ANKRD60: variants seen among roughly 807,000 people sequenced by gnomAD.
The protein encoded by ANKRD60 is ankyrin repeat domain-containing protein 60.
In ANKRD60, 24 loss-of-function variants were observed where a neutral mutation model predicts 21.3. That is an observed-to-expected ratio of 1.13 (90% CI 0.82 to 1.59). The LOEUF (loss-of-function observed/expected upper bound fraction) is 1.59. ANKRD60 is among the 40% of genes most tolerant of loss of function. ANKRD60 has a pLI of 0.00. For missense variants in ANKRD60, 490 were observed against 466.7 expected, an observed-to-expected ratio of 1.05 and a Z score of -0.46; for synonymous variants, 182 against 199.4, an observed-to-expected ratio of 0.91 and a Z score of 0.74.
intron 3 of ANKRD60, among the ~76,000 whole-genome samples, chr20:58,219,087 C>A (rs990293884): frequency 6.6e-6 from 1 of 152,138 alleles, no homozygotes; most frequent in Non-Finnish European, 1.5e-5. Context: ...ACTCTTCCAG[C>A]ATTCCCTCCT....
downstream of ANKRD60, among the ~76,000 whole-genome samples, chr20:58,217,240 CCAA>C (rs1027146054): frequency 7.9e-5 from 12 of 152,024 alleles, no homozygotes; most frequent in African/African-American, 2.7e-4. Flanking sequence ...ACCAACCTGG[CCAA>C]CGTGGTGAAA....
chr20:58,221,492 G>A lies in ANKRD60; in HGVS notation c.573C>T (p.Leu191=), dbSNP rs367807084. ...GGTAGAAGGAATCTTCAGTAAGCCC[G>A]AGACAAGATAGCTGGGCAAGACAAG... The change falls in exon 3 of 4, where the codon CTC becomes CTT. Residue 191 remains leucine, a synonymous_variant. Transcript: ENST00000457363. 51 of 1,551,534 alleles carry A rather than the reference G, an allele frequency of 3.3e-5. 1 individual carries two copies. Among genetic ancestry groups the A allele is most frequent in the Middle Eastern group, 3.3e-4 (2 of 6,014 alleles).
downstream of ANKRD60, among the ~76,000 whole-genome samples, chr20:58,216,708 A>G (rs1984143996): frequency 1.3e-5 from 2 of 152,226 alleles, no homozygotes; most frequent in Admixed American, 6.5e-5. Context: ...CTTACTTGCT[A>G]TGACAGCAGG....
intron 3 of ANKRD60, 43 bp from the exon 4 acceptor site, chr20:58,218,848 G>A (rs999501876): frequency 2.0e-6 from 3 of 1,486,446 alleles, no homozygotes; most frequent in Non-Finnish European, 2.7e-6. Flanking sequence ...CATGCGGAGG[G>A]GGAACACAGG....
intron 3 of ANKRD60, among the ~76,000 whole-genome samples, chr20:58,220,843 G>C (rs910302322): frequency 6.6e-6 from 1 of 152,062 alleles, no homozygotes; most frequent in African/African-American, 2.4e-5. Flanking sequence ...TGGTTGGCCA[G>C]GCTGGTTGTG....
chr20:58,218,668 G>A lies in ANKRD60; in HGVS notation c.865C>T (p.Pro289Ser), dbSNP rs41275658. 14,763 of 1,551,756 alleles carry A rather than the reference G, an allele frequency of 9.5e-3. 79 individuals carry two copies. Among genetic ancestry groups the A allele is most frequent in the Non-Finnish European group, 0.011 (12,938 of 1,147,002 alleles). The stretch of plus-strand genomic sequence containing the variant: ...TTCAGGCGGTGTGCAATGGAGATGG[G>A]GGTCTCCCCCTTGGCATCTCTGTCG... Residue 289 changes from proline (P) to serine (S), a missense_variant, in exon 4 of 4, where the codon CCC (proline) becomes TCC (serine). By Grantham distance (74) the Pro-to-Ser change is moderately conservative. Coordinates refer to ENST00000457363, the Ensembl canonical transcript of ANKRD60.
At chr20:58,223,876 G>C (rs1600684484) in intron 1 of ANKRD60, among the ~76,000 whole-genome samples, 1 of 152,172 alleles carries the variant, frequency 6.6e-6, no homozygotes, top group Admixed American at 6.5e-5. Flanking sequence ...GGCTGAGGTG[G>C]GCAGACTTTG....
rs188302882 is a variant in ANKRD60, at chr20:58,225,158, C to T, written c.431-1976G>A. Among the ~76,000 whole-genome samples, 504 of 152,296 alleles carry T rather than the reference C, an allele frequency of 3.3e-3. 4 individuals are homozygous for T. The highest frequency in any genetic ancestry group is 0.012 in the African/African-American group (483 of 41,552). ...TCGAGCTTCTAACAGTTGCTAAGTG[C>T]CTGTTGAGTGATAGCCCTGTGACAT... On this transcript the variant is annotated intron_variant, in intron 1 of 3. Coordinates refer to ENST00000457363, the Ensembl canonical transcript of ANKRD60.
At position 58,218,703 on chromosome 20, in the gene ANKRD60, GC is replaced by G; in HGVS notation, c.829del (p.Ala277ProfsTer20). ...CTTGGCATCTCTGTCGTGGATGGAGGCCCCGTGCTGGAGCAGGAGGATTATA... is the reference window on the plus strand; with the variant it reads ...CTTGGCATCTCTGTCGTGGATGGAGGCCCGTGCTGGAGCAGGAGGATTATA... On this transcript the variant is annotated frameshift_variant, in exon 4 of 4. Transcript: ENST00000457363. LOFTEE classifies it low-confidence loss of function (END_TRUNC). The G allele has an allele frequency of 6.4e-7, 1 of 1,551,704 alleles. No homozygotes were observed.
chr20:58,223,005 G>A lies in ANKRD60; in HGVS notation c.561+47C>T, dbSNP rs777302959. On this transcript the variant is annotated intron_variant, in intron 2 of 3. Transcript: ENST00000457363. ...GACTAATTTTCCCCCCACAATTTAC[G>A]GTTGCTTCGTAACGTATAATATCCA... The A allele has an allele frequency of 5.0e-5, 76 of 1,506,316 alleles. 1 individual carries two copies. Among genetic ancestry groups the A allele is most frequent in the South Asian group, 4.2e-4 (33 of 78,660 alleles). The allele number at this position is 1,506,316 out of a possible 1,614,324, so 93.3% of individuals were successfully genotyped here. A position where few individuals can be genotyped will look rare whatever the true frequency, so the allele number is the denominator to read the frequency against.
At chr20:58,220,448 C>T (rs1199756718) in intron 3 of ANKRD60, among the ~76,000 whole-genome samples, 1 of 150,618 alleles carries the variant, frequency 6.6e-6, no homozygotes, top group East Asian at 2.0e-4. Flanking sequence ...AATTTGGAGA[C>T]AATGTTGGCT....
chr20:58,224,891 G>T (rs1984334159), intron 1 of ANKRD60, among the ~76,000 whole-genome samples: 1 of 152,188 alleles, frequency 6.6e-6, no homozygotes, highest in South Asian at 2.1e-4. Flanking sequence ...TATCACAGTT[G>T]ACAACAGACG....
In ANKRD60 at chr20:58,228,316, C is replaced by T. The variant is rs1156549613; in HGVS notation, c.338G>A (p.Arg113His). The stretch of plus-strand genomic sequence containing the variant: ...GAGCTCCCGCACGGTCATGTCGCCG[C>T]GGCAGTTTGCCACTCGGAACATCTC... Residue 113 changes from arginine (R) to histidine (H), a missense_variant, in exon 1 of 4, where the codon CGC becomes CAC. Coordinates refer to ENST00000457363, the Ensembl canonical transcript of ANKRD60. The surrounding 1 kb of genome is among the most constrained non-coding windows in gnomAD (Gnocchi z 5.3). The T allele has an allele frequency of 1.9e-6, 3 of 1,551,312 alleles. No individual in the cohort carries two copies. Among genetic ancestry groups the T allele is most frequent in the South Asian group, 1.2e-5 (1 of 84,048 alleles).
chr20:58,217,279 A>T (rs1415433369), downstream of ANKRD60, among the ~76,000 whole-genome samples: 2 of 152,104 alleles, frequency 1.3e-5, no homozygotes, highest in African/African-American at 4.8e-5. Context: ...AAATACAAAA[A>T]TTAGCCAGGC....
intron 3 of ANKRD60, 36 bp downstream of exon 3, chr20:58,221,302 A>T: frequency 2.0e-6 from 3 of 1,537,876 alleles, no homozygotes; most frequent in Non-Finnish European, 1.8e-6. Flanking sequence ...AAAAAATCCC[A>T]ACTCATGAAT....
rs1345933144 is a variant in ANKRD60 at position 58,228,631 on chromosome 20, C to G, written c.23G>C (p.Gly8Ala). The change falls in exon 1 of 4, where the codon GGG (glycine) becomes GCG (alanine). Residue 8 changes from glycine (G) to alanine (A), a missense_variant. Coordinates refer to ENST00000457363, the Ensembl canonical transcript of ANKRD60. This position sits in a 1 kb window ranked among gnomAD's most constrained non-coding sequence, Gnocchi z 5.3. ...CGCCCCCGCCGCCGCCCGCCGCATC[C>G]CCCAGGCGCGGCCGCGCGTCATCCG... is the stretch of plus-strand genomic sequence containing the variant. 3 of 940,536 alleles carry G rather than the reference C, an allele frequency of 3.2e-6. No individual in the cohort carries two copies. Among genetic ancestry groups the G allele is most frequent in the Non-Finnish European group, 3.9e-6 (3 of 777,846 alleles). The allele number at this position is 940,536 out of a possible 1,614,324, so 58.3% of individuals were successfully genotyped here. A position where few individuals can be genotyped will look rare whatever the true frequency, so the allele number is the denominator to read the frequency against.
rs917954623 is a variant in ANKRD60, at chr20:58,228,507, G to A, written c.147C>T (p.Gly49=). ...AGTCCGCCGAGCCCACCCTGGGCCC[G>A]CCGCACCCCTGAGCCCCGGCCCGCG... Residue 49 remains glycine, a synonymous_variant, in exon 1 of 4, where the codon GGC becomes GGT. Transcript: ENST00000457363. This position sits in a 1 kb window ranked among gnomAD's most constrained non-coding sequence, Gnocchi z 5.3. The A allele has an allele frequency of 9.8e-6, 14 of 1,433,576 alleles. No homozygotes were observed. In the African/African-American group the frequency reaches 1.7e-4, roughly 17 times the overall value. The allele number at this position is 1,433,576 out of a possible 1,614,324, so 88.8% of individuals were successfully genotyped here. A position where few individuals can be genotyped will look rare whatever the true frequency, so the allele number is the denominator to read the frequency against.
At chr20:58,217,883 C>T (rs1422309681), downstream of ANKRD60, among the ~76,000 whole-genome samples, 5 of 152,154 alleles carry the variant, frequency 3.3e-5, no homozygotes, top group Admixed American at 3.3e-4. Flanking sequence ...CATCTAGCAC[C>T]AACGTGTTAC....
rs1200605382 is a variant in ANKRD60 at position 58,226,400 on chromosome 20, T to C, written c.430+1824A>G. Among the ~76,000 whole-genome samples, 4 of 152,104 alleles carry C rather than the reference T, an allele frequency of 2.6e-5. No homozygotes were observed. The East Asian group carries it at 7.7e-4, about 29-fold the overall frequency. Reference sequence around the variant, plus strand: ...GAATCGAGCACATCTGCCCTGAGATTTGGGGGTCTTCATGGTGATAAAATC... The same window carrying C: ...GAATCGAGCACATCTGCCCTGAGATCTGGGGGTCTTCATGGTGATAAAATC... On this transcript the variant is annotated intron_variant, in intron 1 of 3. Transcript: ENST00000457363.
Sources: allele counts gnomAD v4.1 joint callset (sites outside exome capture counted in the v4.1 genomes callset), GRCh38; gene constraint gnomAD v4.1.1; non-coding constraint Gnocchi (gnomAD v3.1); transcripts MANE v1.5; gene names NCBI Gene and HGNC (gene_info 2026-07-23, HGNC 2026-07-21).